Variants in RAB12 observed in about 807,000 individuals in gnomAD.
RAB12 encodes RAB12, member RAS oncogene family, also known as ras-related protein Rab-12.
RAB12 carries 11 observed loss-of-function variants against 28.4 expected under a neutral mutation model. The ratio of observed to expected loss-of-function variants is 0.39; its 90% CI spans 0.24 to 0.64. The LOEUF is 0.64. RAB12 is among the 30% of genes least tolerant of loss of function. The pLI is 0.50. For missense variants in RAB12, 276 were observed against 351.1 expected (o/e 0.79, Z 1.71); for synonymous variants, 138 against 145.3 (o/e 0.95, Z 0.36).
chr18:8,629,689 C>T (rs1387224046), intron 2 of RAB12, among the ~76,000 whole-genome samples: 1 of 152,206 alleles, frequency 6.6e-6, no homozygotes, highest in East Asian at 1.9e-4. Flanking sequence ...AATAAGGCAT[C>T]ACTGATGTGA....
At chr18:8,624,689 A>T (rs1268358318) in intron 1 of RAB12, among the ~76,000 whole-genome samples, 1 of 152,216 alleles carries the variant, frequency 6.6e-6, no homozygotes, top group African/African-American at 2.4e-5. Context: ...ATGAACAGCA[A>T]ATACTAGACC....
chr18:8,627,299 A>G (rs968786803), intron 2 of RAB12, among the ~76,000 whole-genome samples: 1 of 152,232 alleles, frequency 6.6e-6, no homozygotes, highest in Admixed American at 6.5e-5. Flanking sequence ...GGATTGTGCT[A>G]TGCTAATAAT....
At chr18:8,621,197 A>G (rs2148708083) in intron 1 of RAB12, among the ~76,000 whole-genome samples, 1 of 152,274 alleles carries the variant, frequency 6.6e-6, no homozygotes, top group South Asian at 2.1e-4. Context: ...CTTTTCCTAA[A>G]TCATCTGCCA....
intron 2 of RAB12, among the ~76,000 whole-genome samples, chr18:8,625,586 G>A (rs2096012216): frequency 1.3e-5 from 2 of 152,170 alleles, no homozygotes; most frequent in South Asian, 4.1e-4. Flanking sequence ...AACCAGCTGT[G>A]TTATAACTGC....
intron 5 of RAB12, 88 bp downstream of exon 5, chr18:8,636,445 G>A: frequency 1.2e-6 from 1 of 858,086 alleles, no homozygotes; most frequent in Non-Finnish European, 1.8e-6. Context: ...TTTGTATTTA[G>A]AAACCAAAAT....
chr18:8,610,966 A>G (rs1158287211), intron 1 of RAB12, among the ~76,000 whole-genome samples: 1 of 152,224 alleles, frequency 6.6e-6, no homozygotes. Flanking sequence ...CGATTTTGAG[A>G]TGACTTGATT....
At position 8,609,762 on chromosome 18, in the gene RAB12, G is replaced by C. The variant is rs1185791654; in HGVS notation, c.323G>C (p.Gly108Ala). The change falls in exon 1 of 6, where the codon GGG becomes GCG. Residue 108 changes from glycine (G) to alanine (A), a missense_variant. Gly to Ala is a moderately conservative substitution (Grantham distance 60). This residue lies in a region of RAB12 where 72 missense variants were observed against 55.5 expected (regional missense o/e 1.30). Coordinates refer to ENST00000649141, the MANE Select transcript of RAB12 (RefSeq NM_001025300.3). ...GGCGCCGCGCTGCAGAGGCGGGCCGGGGGCGGCGGCGGTCTGGGCGCGGGC... is the reference window on the plus strand; with the variant it reads ...GGCGCCGCGCTGCAGAGGCGGGCCGCGGGCGGCGGCGGTCTGGGCGCGGGC... ...DPGAALQRRAGGGGGLGAGSP... is the reference protein window; with the variant it reads ...DPGAALQRRAAGGGGLGAGSP... The C allele has an allele frequency of 1.1e-5, 14 of 1,263,854 alleles. No homozygotes were observed. Among genetic ancestry groups the C allele is most frequent in the African/African-American group, 1.6e-5 (1 of 63,374 alleles). 78.3% of individuals were successfully genotyped at this position (1,263,854 alleles called of 1,614,324 possible).
At chr18:8,631,888 T>A (rs900657802) in intron 2 of RAB12, among the ~76,000 whole-genome samples, 1 of 152,152 alleles carries the variant, frequency 6.6e-6, no homozygotes, top group East Asian at 1.9e-4. Flanking sequence ...TGGAAAGATA[T>A]TTCATTTGAA....
At position 8,609,640 on chromosome 18, in the gene RAB12, G is replaced by A. The variant is rs2148704660; in HGVS notation, c.201G>A (p.Ala67=). ...CCGGGGCCGACCCCCCGCGCGCGGC[G>A]GAGGCCGAGGGGGCGCCGGGGCCCG... The part of the protein sequence containing the change: ...AEPGADPPRA[A]EAEGAPGPGA... The change falls in exon 1 of 6, where the codon GCG becomes GCA. Residue 67 remains alanine (A), a synonymous_variant. Transcript: ENST00000649141. 2 of 668,244 alleles carry A rather than the reference G, an allele frequency of 3.0e-6. No individual in the cohort carries two copies. Among genetic ancestry groups the A allele is most frequent in the South Asian group, 1.3e-4 (2 of 15,712 alleles). 41.4% of individuals were successfully genotyped at this position (668,244 alleles called of 1,614,324 possible). A position where few individuals can be genotyped will look rare whatever the true frequency, so the allele number is the denominator to read the frequency against.
At chr18:8,612,916 A>T (rs549755565) in intron 1 of RAB12, among the ~76,000 whole-genome samples, 3 of 152,208 alleles carry the variant, frequency 2.0e-5, no homozygotes, top group Non-Finnish European at 4.4e-5. Flanking sequence ...TGGCCTCCCA[A>T]AGTGCTCAGA....
intron 1 of RAB12, among the ~76,000 whole-genome samples, chr18:8,619,366 A>G (rs963968560): frequency 1.3e-5 from 2 of 152,208 alleles, no homozygotes; most frequent in Admixed American, 6.5e-5. Flanking sequence ...CACTTTTGTA[A>G]CTTCTTATGG....
intron 1 of RAB12, among the ~76,000 whole-genome samples, chr18:8,616,757 CAA>C (rs71165794): frequency 4.7e-5 from 6 of 128,586 alleles, no homozygotes; most frequent in Admixed American, 1.6e-4. Context: ...CCCATCTCCA[CAA>C]AAAAAAAAAA....
chr18:8,617,680 T>C (rs2148706974), intron 1 of RAB12, among the ~76,000 whole-genome samples: 1 of 152,264 alleles, frequency 6.6e-6, no homozygotes. Context: ...GCCTTAAATA[T>C]ATGTTCTTAG....
intron 1 of RAB12, 69 bp from the exon 2 acceptor site, chr18:8,624,869 T>C: frequency 1.0e-6 from 1 of 985,570 alleles, no homozygotes; most frequent in South Asian, 1.4e-5. Flanking sequence ...AATACACAAA[T>C]AGGATTATTT....
chr18:8,611,195 A>G (rs1483326503), intron 1 of RAB12, among the ~76,000 whole-genome samples: 1 of 152,224 alleles, frequency 6.6e-6, no homozygotes, highest in Non-Finnish European at 1.5e-5. Context: ...TAGCATAACT[A>G]TACCTGTTTC....
intron 1 of RAB12, among the ~76,000 whole-genome samples, chr18:8,613,829 A>AAGTAGTAGTAGTAGTAGTAGT (rs3050584): frequency 6.7e-6 from 1 of 148,656 alleles, no homozygotes; most frequent in African/African-American, 2.5e-5. Flanking sequence ...CTATAAATAG[A>AAGTAGTAGTAGTAGTAGTAGT]AGTAGTAGTA....
rs371648060 is a variant in RAB12 at position 8,628,007 on chromosome 18, A to G, written c.575+3009A>G. ...AAAACAGAATTGCAGGAATTTTTCA[A>G]TTGCACAAAAACCAGATAGAAAAAT... On this transcript the variant is annotated intron_variant, in intron 2 of 5. Coordinates refer to ENST00000649141, the MANE Select transcript of RAB12 (RefSeq NM_001025300.3). 3.3e-5 allele frequency among the ~76,000 whole-genome samples: 5 copies of G among 152,308 alleles called. No individual in the cohort carries two copies. The East Asian group carries it at 7.7e-4, about 23-fold the overall frequency.
At chr18:8,619,762 C>G (rs1271064793) in intron 1 of RAB12, among the ~76,000 whole-genome samples, 1 of 152,168 alleles carries the variant, frequency 6.6e-6, no homozygotes, top group African/African-American at 2.4e-5. Flanking sequence ...TTCCCCGTCA[C>G]TGGGCTGCTG....
chr18:8,619,869 G>A (rs1242923399), intron 1 of RAB12, among the ~76,000 whole-genome samples: 2 of 152,114 alleles, frequency 1.3e-5, no homozygotes, highest in Non-Finnish European at 2.9e-5. Flanking sequence ...TAAGACACCG[G>A]CACAGTTGCT....
Sources: gnomAD v4.1 joint callset for allele counts (sites outside exome capture counted in the v4.1 genomes callset) on GRCh38, gnomAD v4.1.1 for gene constraint, gnomAD v4.1.1 regional missense constraint, MANE v1.5 for transcripts, NCBI Gene and HGNC (gene_info 2026-07-23, HGNC 2026-07-21) for gene names.